Variants in NEXMIF observed in about 807,000 individuals in gnomAD.
NEXMIF encodes the protein neurite extension and migration factor.
Under a neutral mutation model 62.1 loss-of-function variants are expected in NEXMIF, and 8 were observed. The ratio of observed to expected loss-of-function variants is 0.13; its 90% CI spans 0.08 to 0.23. NEXMIF has a LOEUF of 0.23. Among genes scored for constraint, NEXMIF ranks in the 10% least tolerant of loss-of-function variants. The pLI is 1.00. For missense variants in NEXMIF, 976 were observed against 1,113.3 expected, an observed-to-expected ratio of 0.88 and a Z score of 1.75; for synonymous variants, 404 against 416.6, an observed-to-expected ratio of 0.97 and a Z score of 0.37.
Position 74,745,703 on chromosome X carries a change from C to T in NEXMIF, c.-47-6G>A. The stretch of plus-strand genomic sequence containing the variant: ...AAGTCCAAATGCTGTCCAACCTGCA[C>T]ATTTCAAATATATAATATCAGTCAT... On this transcript the variant is annotated splice_region_variant and splice_polypyrimidine_tract_variant and intron_variant, in intron 1 of 3. Coordinates refer to ENST00000055682, the MANE Select transcript of NEXMIF (RefSeq NM_001008537.3). The T allele has an allele frequency of 1.4e-6, 1 of 732,450 alleles. No homozygotes were observed. Among genetic ancestry groups the T allele is most frequent in the Non-Finnish European group, 2.2e-6 (1 of 464,456 alleles). 60.4% of individuals were successfully genotyped at this position (732,450 alleles called of 1,213,427 possible).
chrX:74,814,648 A>G (rs1461047465), intron 1 of NEXMIF, among the ~76,000 whole-genome samples: 1 of 112,321 alleles, frequency 8.9e-6, no homozygotes, highest in African/African-American at 3.2e-5. Context: ...AAGTATATGT[A>G]ATTGACACAA....
At chrX:74,876,366 T>C (rs1209203586) in intron 1 of NEXMIF, among the ~76,000 whole-genome samples, 1 of 111,640 alleles carries the variant, frequency 9.0e-6, no homozygotes, top group South Asian at 3.8e-4. Flanking sequence ...CAGTTTGTTA[T>C]AATTTCTGTT....
At chrX:74,887,859 C>A (rs756741135) in intron 1 of NEXMIF, among the ~76,000 whole-genome samples, 2 of 111,635 alleles carry the variant, frequency 1.8e-5, no homozygotes, top group South Asian at 3.8e-4. Flanking sequence ...ATGTTTATTG[C>A]GGCACTATTC....
chrX:74,793,507 A>G (rs2147466095), intron 1 of NEXMIF, among the ~76,000 whole-genome samples: 1 of 110,642 alleles, frequency 9.0e-6, no homozygotes, highest in Non-Finnish European at 1.9e-5. Context: ...TATTTCCTGA[A>G]TCTGAAGGTT....
At chrX:74,853,058 C>T (rs2080521843) in intron 1 of NEXMIF, among the ~76,000 whole-genome samples, 1 of 110,611 alleles carries the variant, frequency 9.0e-6, no homozygotes, top group African/African-American at 3.3e-5. Context: ...GAAATGGCTC[C>T]ATTTTCTGGG....
chrX:74,805,623 A>G (rs1343878073), intron 1 of NEXMIF, among the ~76,000 whole-genome samples: 2 of 111,627 alleles, frequency 1.8e-5, no homozygotes, highest in African/African-American at 3.3e-5. Flanking sequence ...GTTTTCTTCT[A>G]TGATTTTTGT....
chrX:74,788,613 G>C (rs900533392), intron 1 of NEXMIF, among the ~76,000 whole-genome samples: 10 of 111,127 alleles, frequency 9.0e-5, no homozygotes, highest in Non-Finnish European at 1.9e-4. Flanking sequence ...ACATGATGTT[G>C]CTTACCCCAT....
intron 1 of NEXMIF, among the ~76,000 whole-genome samples, chrX:74,861,023 G>C (rs1299257656): frequency 8.9e-6 from 1 of 111,981 alleles, no homozygotes; most frequent in Non-Finnish European, 1.9e-5. Context: ...CAGAAAAAGA[G>C]AGAACGCACA....
intron 1 of NEXMIF, among the ~76,000 whole-genome samples, chrX:74,802,024 A>G (rs1221287651): frequency 8.9e-6 from 1 of 111,961 alleles, no homozygotes; most frequent in East Asian, 2.8e-4. Context: ...TTGTGATTTG[A>G]GTGCCAGCTC....
At chrX:74,872,920 CTTATTTTTTTATTTT>C (rs1443640718) in intron 1 of NEXMIF, among the ~76,000 whole-genome samples, 1 of 108,735 alleles carries the variant, frequency 9.2e-6, no homozygotes, top group Admixed American at 9.9e-5. Context: ...AGTGCAATGC[CTTATTTTTTTATTTT>C]TTATTTTTTT....
chrX:74,837,022 C>G (rs757410486), intron 1 of NEXMIF, among the ~76,000 whole-genome samples: 1 of 111,475 alleles, frequency 9.0e-6, no homozygotes, highest in Non-Finnish European at 1.9e-5. Context: ...GCAAATGCCC[C>G]CTCTGTGCAC....
At chrX:74,767,641 C>A (rs1373546308) in intron 1 of NEXMIF, among the ~76,000 whole-genome samples, 1 of 111,871 alleles carries the variant, frequency 8.9e-6, no homozygotes, top group African/African-American at 3.3e-5. Context: ...CTCAGAACCA[C>A]TGACAGCTGG....
intron 1 of NEXMIF, among the ~76,000 whole-genome samples, chrX:74,770,281 T>C: frequency 8.9e-6 from 1 of 112,168 alleles, no homozygotes; most frequent in Middle Eastern, 4.6e-3. Flanking sequence ...GTTCTCTATA[T>C]TGGATTTTCC....
At chrX:74,802,504 G>T (rs761245540) in intron 1 of NEXMIF, among the ~76,000 whole-genome samples, 1 of 111,248 alleles carries the variant, frequency 9.0e-6, no homozygotes, top group East Asian at 2.8e-4. Flanking sequence ...CAGAATTATT[G>T]GGCTTGGGGT....
chrX:74,889,241 T>A (rs971034815), intron 1 of NEXMIF, among the ~76,000 whole-genome samples: 2 of 110,937 alleles, frequency 1.8e-5, no homozygotes, highest in Non-Finnish European at 3.8e-5. Flanking sequence ...GGGGAAGCAA[T>A]GTATTGTGCT....
intron 1 of NEXMIF, among the ~76,000 whole-genome samples, chrX:74,862,106 C>A (rs2080559741): frequency 9.0e-6 from 1 of 111,184 alleles, no homozygotes; most frequent in Non-Finnish European, 1.9e-5. Flanking sequence ...ATCTCACGTG[C>A]AAAGACACAC....
At chrX:74,912,663 A>G (rs1277005817) in intron 1 of NEXMIF, among the ~76,000 whole-genome samples, 2 of 111,414 alleles carry the variant, frequency 1.8e-5, no homozygotes, top group Non-Finnish European at 3.8e-5. Context: ...GTCTTATTCC[A>G]TCTGTGCCAG....
chrX:74,863,748 A>G (rs1041906571), intron 1 of NEXMIF, among the ~76,000 whole-genome samples: 5 of 112,258 alleles, frequency 4.5e-5, no homozygotes, highest in Non-Finnish European at 5.6e-5. Flanking sequence ...GGACTTCTCC[A>G]TAACTCATTT....
intron 1 of NEXMIF, among the ~76,000 whole-genome samples, chrX:74,796,122 TA>T (rs1196729899): frequency 2.5e-5 from 2 of 78,823 alleles, no homozygotes; most frequent in Non-Finnish European, 4.6e-5. Flanking sequence ...ATTATATATA[TA>T]TTTATATATA....
Sources: gnomAD v4.1 joint callset for allele counts (sites outside exome capture counted in the v4.1 genomes callset) on GRCh38, gnomAD v4.1.1 for gene constraint, MANE v1.5 for transcripts, NCBI Gene and HGNC (gene_info 2026-07-23, HGNC 2026-07-21) for gene names.